The following ITGA8 variants were observed in gnomAD, a reference collection of about 807,000 sequenced individuals.
ITGA8 encodes the protein integrin alpha-8.
A neutral mutation model predicts 142.3 loss-of-function variants in ITGA8; 91 were observed. The ratio of observed to expected loss-of-function variants is 0.64; its 90% confidence interval spans 0.54 to 0.76. The LOEUF (loss-of-function observed/expected upper bound fraction) is 0.76, where lower values mean the gene tolerates loss of function less well. Among genes scored for constraint, ITGA8 ranks in the 30% least tolerant of loss-of-function variants. The probability of loss-of-function intolerance (pLI) is 0.00; values close to 1 mark genes in which losing one functional copy is unlikely to be tolerated. For synonymous variants in ITGA8, 505 were observed against 485.2 expected (o/e 1.04, Z -0.54); for missense variants, 1,406 against 1,327.7 (o/e 1.06, Z -0.92).
At chr10:15,646,525 T>C (rs761450537) in intron 12 of ITGA8, among the ~76,000 whole-genome samples, 1 of 152,212 alleles carries the variant, frequency 6.6e-6, no homozygotes, top group Non-Finnish European at 1.5e-5. Flanking sequence ...TAACCGAATG[T>C]GTCTTCTACA....
At position 15,616,634 on chromosome 10, in the gene ITGA8, G is replaced by A. The variant is rs142159725; in HGVS notation, c.1400-75C>T. 1.5e-4 allele frequency: 182 copies of A among 1,232,030 alleles called. 2 individuals are homozygous for A. The East Asian group carries it at 4.2e-3, about 29-fold the overall frequency. 76.3% of individuals were successfully genotyped at this position (1,232,030 alleles called of 1,614,324 possible). Reference sequence around the variant, plus strand: ...TTTACTAAGTTCAAAATCGTAAGTAGCACATAGAATACCCCTACATGCTGA... The same window carrying A: ...TTTACTAAGTTCAAAATCGTAAGTAACACATAGAATACCCCTACATGCTGA... On this transcript the variant is annotated intron_variant, in intron 13 of 29. Coordinates refer to ENST00000378076, the MANE Select transcript of ITGA8 (RefSeq NM_003638.3).
At chr10:15,543,734 GAAT>G (rs1272380054) in intron 27 of ITGA8, among the ~76,000 whole-genome samples, 3 of 152,152 alleles carry the variant, frequency 2.0e-5, no homozygotes, top group African/African-American at 7.2e-5. Context: ...TTAGAGGGTT[GAAT>G]AATGTCTTAC....
intron 25 of ITGA8, among the ~76,000 whole-genome samples, chr10:15,561,170 G>A (rs1833966500): frequency 6.8e-6 from 1 of 147,516 alleles, no homozygotes; most frequent in African/African-American, 2.5e-5. Context: ...GATTACAGGT[G>A]TAAGTCACTG....
At chr10:15,697,342 T>C (rs546775624) in intron 2 of ITGA8, among the ~76,000 whole-genome samples, 2 of 152,314 alleles carry the variant, frequency 1.3e-5, no homozygotes, top group Admixed American at 6.5e-5. Context: ...TCAATAATTG[T>C]GAAGAATGGA....
chr10:15,692,516 A>G (rs1834954795), intron 2 of ITGA8, among the ~76,000 whole-genome samples: 1 of 152,166 alleles, frequency 6.6e-6, no homozygotes, highest in Non-Finnish European at 1.5e-5. Flanking sequence ...TGCTCTAAAT[A>G]TTTCCAAATC....
At chr10:15,538,374 T>C (rs1266977027) in intron 27 of ITGA8, among the ~76,000 whole-genome samples, 1 of 151,980 alleles carries the variant, frequency 6.6e-6, no homozygotes, top group East Asian at 1.9e-4. Flanking sequence ...CAGCTGGGCA[T>C]GATGGCGGGT....
Position 15,564,040 on chromosome 10 carries a change from C to T in ITGA8, c.2638-5838G>A, listed in dbSNP as rs1834031701. On this transcript the variant is annotated intron_variant, in intron 25 of 29. Coordinates refer to ENST00000378076, the MANE Select transcript of ITGA8 (RefSeq NM_003638.3). ...TCCTATTGGGGTAAATTGTCATTCA[C>T]AAACATTTTAAGTGGTCTCTCAATA... is the stretch of plus-strand genomic sequence containing the variant. Among the ~76,000 whole-genome samples the T allele has an allele frequency of 2.0e-5, 3 of 152,222 alleles. No individual in the cohort carries two copies. The South Asian group carries it at 6.2e-4, about 32-fold the overall frequency.
Position 15,572,287 on chromosome 10 carries a change from A to T in ITGA8, c.2561T>A (p.Leu854His). The T allele has an allele frequency of 6.2e-7, 1 of 1,614,008 alleles. No individual in the cohort carries two copies. Residue 854 changes from leucine (L) to histidine (H), a missense_variant, in exon 25 of 30, where the codon CTC (leucine) becomes CAC (histidine). Transcript: ENST00000378076. Reference protein sequence around the residue: ...WPFSARDEFLLYIFHIQTLGP... With the variant: ...WPFSARDEFLHYIFHIQTLGP... ...CAGAGTTTGAATATGGAAAATATAGAGAAGAAATTCATCCCGGGCAGAGAA... is the reference window on the plus strand; with the variant it reads ...CAGAGTTTGAATATGGAAAATATAGTGAAGAAATTCATCCCGGGCAGAGAA...
chr10:15,517,103 T>C lies in ITGA8; in HGVS notation c.*55A>G. On this transcript the variant is annotated 3_prime_UTR_variant, in exon 30 of 30. Transcript: ENST00000378076. ...TGATTTTTAACCCTCATGTTCTTTC[T>C]TTTTCTTTGAACAGGACCAGTGTTT... The C allele has an allele frequency of 1.5e-6, 2 of 1,332,090 alleles. No individual in the cohort carries two copies. The highest frequency in any genetic ancestry group is 1.5e-5 in the African/African-American group (1 of 67,720). The allele number at this position is 1,332,090 out of a possible 1,614,324, so 82.5% of individuals were successfully genotyped here.
At chr10:15,625,027 T>C (rs1433275687) in intron 13 of ITGA8, among the ~76,000 whole-genome samples, 1 of 152,132 alleles carries the variant, frequency 6.6e-6, no homozygotes, top group African/African-American at 2.4e-5. Flanking sequence ...TGCTTTTTTA[T>C]TGCAACATGC....
At chr10:15,702,480 G>T (rs956282532) in intron 2 of ITGA8, among the ~76,000 whole-genome samples, 5 of 152,074 alleles carry the variant, frequency 3.3e-5, no homozygotes, top group Non-Finnish European at 7.4e-5. Context: ...TGATAGAGAT[G>T]GGGTTTCACC....
chr10:15,529,787 T>C (rs542056378), intron 28 of ITGA8, among the ~76,000 whole-genome samples: 2 of 152,336 alleles, frequency 1.3e-5, no homozygotes, highest in Non-Finnish European at 2.9e-5. Context: ...GACAATATTA[T>C]CAACTTATCT....
At chr10:15,533,105 T>C (rs967761559) in intron 27 of ITGA8, among the ~76,000 whole-genome samples, 5 of 152,204 alleles carry the variant, frequency 3.3e-5, no homozygotes, top group African/African-American at 1.2e-4. Context: ...TATAATCCAA[T>C]GTTGGGCCTC....
intron 25 of ITGA8, among the ~76,000 whole-genome samples, chr10:15,566,380 A>G (rs955051397): frequency 3.3e-5 from 5 of 152,138 alleles, no homozygotes; most frequent in Non-Finnish European, 7.4e-5. Context: ...TTGGGCCCCA[A>G]ATGGTGTTCC....
rs564619867 is a variant in ITGA8, at chr10:15,689,350, C to T, written c.344-1312G>A. 2.6e-5 allele frequency among the ~76,000 whole-genome samples: 4 copies of T among 152,270 alleles called. No homozygotes were observed. In the East Asian group the frequency reaches 7.7e-4, roughly 29 times the overall value. On this transcript the variant is annotated intron_variant, in intron 2 of 29. Coordinates refer to ENST00000378076, the MANE Select transcript of ITGA8 (RefSeq NM_003638.3). ...GAGAACAGCAAGGGAGTGGCAAAAA[C>T]CCTGTGAGAATAGAAACTCCGGATG...
At chr10:15,588,831 G>T (rs1832874955) in intron 22 of ITGA8, among the ~76,000 whole-genome samples, 1 of 152,156 alleles carries the variant, frequency 6.6e-6, no homozygotes, top group Non-Finnish European at 1.5e-5. Context: ...GCTTTTAGAG[G>T]CTGTTTTGAA....
chr10:15,650,013 C>A (rs1834057170), intron 11 of ITGA8, among the ~76,000 whole-genome samples: 2 of 152,126 alleles, frequency 1.3e-5, no homozygotes, highest in East Asian at 3.9e-4. Context: ...AGAATAATTG[C>A]CCAAACTTGG....
chr10:15,588,701 A>G (rs376361624), intron 22 of ITGA8, among the ~76,000 whole-genome samples: 7 of 152,190 alleles, frequency 4.6e-5, no homozygotes, highest in Admixed American at 3.3e-4. Context: ...TTATTGCATA[A>G]TTCTATTGTA....
At chr10:15,672,996 C>T (rs962465632) in intron 6 of ITGA8, among the ~76,000 whole-genome samples, 1 of 152,222 alleles carries the variant, frequency 6.6e-6, no homozygotes, top group South Asian at 2.1e-4. Context: ...CATACACACT[C>T]CACCTCCAAA....
Sources: gnomAD v4.1 joint callset for allele counts (sites outside exome capture counted in the v4.1 genomes callset) on GRCh38, gnomAD v4.1.1 for gene constraint, MANE v1.5 for transcripts, NCBI Gene and HGNC (gene_info 2026-07-23, HGNC 2026-07-21) for gene names.